The following CNOT9 variants were observed in gnomAD, a reference collection of about 807,000 sequenced individuals.
CNOT9 encodes the protein RCD1 required for cell differentiation1 homolog.
A neutral mutation model predicts 37.4 loss-of-function variants in CNOT9; 8 were observed. The observed-to-expected ratio is 0.21, with a 90% CI of 0.13 to 0.39. The LOEUF (loss-of-function observed/expected upper bound fraction) is 0.39, where lower values mean the gene tolerates loss of function less well. Among genes scored for constraint, CNOT9 ranks in the 10% least tolerant of loss-of-function variants. The probability of loss-of-function intolerance (pLI) is 1.00; values close to 1 mark genes in which losing one functional copy is unlikely to be tolerated. For missense variants in CNOT9, 154 were observed against 365.3 expected (o/e 0.42, Z 4.71); for synonymous variants, 120 against 137.6 (o/e 0.87, Z 0.90).
intron 2 of CNOT9, chr2:218,581,170 C>CTT (rs5838702): frequency 3.3e-3 from 813 of 244,886 alleles, no homozygotes; most frequent in Middle Eastern, 6.1e-3. Flanking sequence ...GTTTGTTTTT[C>CTT]TTTTTTTTTT....
chr2:218,570,183 A>G (rs1451603102), intron 1 of CNOT9, among the ~76,000 whole-genome samples: 1 of 152,214 alleles, frequency 6.6e-6, no homozygotes, highest in Admixed American at 6.5e-5. Flanking sequence ...AAAGGAGATC[A>G]TTTGATTTGA....
At chr2:218,593,923 A>G (rs1010076822) in intron 7 of CNOT9, 185 bp from the exon 8 acceptor site, 5 of 1,000,500 alleles carry the variant, frequency 5.0e-6, no homozygotes, top group African/African-American at 3.3e-5. Context: ...ATATTTGTGG[A>G]TACAGATTTT....
At chr2:218,583,416 G>C (rs968442661) in intron 3 of CNOT9, among the ~76,000 whole-genome samples, 3 of 152,140 alleles carry the variant, frequency 2.0e-5, no homozygotes, top group African/African-American at 4.8e-5. Flanking sequence ...TATGTCATCT[G>C]TGAGGCATAG....
At chr2:218,580,037 C>T (rs1295739918) in intron 1 of CNOT9, among the ~76,000 whole-genome samples, 4 of 148,358 alleles carry the variant, frequency 2.7e-5, no homozygotes, top group Admixed American at 6.8e-5. Context: ...GGCGCTATCT[C>T]GGGTCACTGC....
chr2:218,587,352 A>C (rs1359172984), intron 4 of CNOT9: 4 of 686,434 alleles, frequency 5.8e-6, no homozygotes, highest in Non-Finnish European at 7.5e-6. Flanking sequence ...TGAACTCCCG[A>C]CCTCAAGTGA....
chr2:218,570,893 A>G (rs1316888607), intron 1 of CNOT9, among the ~76,000 whole-genome samples: 1 of 152,246 alleles, frequency 6.6e-6, no homozygotes, highest in Non-Finnish European at 1.5e-5. Flanking sequence ...ACTTTCACTT[A>G]GGATGTTTGG....
chr2:218,577,459 CTT>C (rs1268435275), intron 1 of CNOT9, among the ~76,000 whole-genome samples: 1 of 152,224 alleles, frequency 6.6e-6, no homozygotes, highest in African/African-American at 2.4e-5. Flanking sequence ...TTCTAGCTCT[CTT>C]AGAATCAAAA....
At chr2:218,585,647 T>A (rs1336291104) in intron 4 of CNOT9, among the ~76,000 whole-genome samples, 13 of 146,454 alleles carry the variant, frequency 8.9e-5, no homozygotes, top group South Asian at 2.2e-4. Context: ...TATTTTTTTT[T>A]TTTTTTTTTG....
chr2:218,570,817 C>CCT (rs1693964524), intron 1 of CNOT9, among the ~76,000 whole-genome samples: 1 of 152,184 alleles, frequency 6.6e-6, no homozygotes, highest in Non-Finnish European at 1.5e-5. Context: ...ATAATAAGTA[C>CCT]TCAATACATG....
At chr2:218,579,614 G>A (rs574047330) in intron 1 of CNOT9, among the ~76,000 whole-genome samples, 36 of 152,182 alleles carry the variant, frequency 2.4e-4, no homozygotes, top group African/African-American at 8.4e-4. Context: ...AGCCTCCAGA[G>A]TAGCTGGGAC....
At chr2:218,569,186 C>G (rs983145537) in intron 1 of CNOT9, among the ~76,000 whole-genome samples, 4 of 152,196 alleles carry the variant, frequency 2.6e-5, no homozygotes, top group African/African-American at 9.6e-5. Flanking sequence ...GCCTTCAGCG[C>G]GACCCATCGC....
intron 2 of CNOT9, chr2:218,580,978 A>C (rs989270726): frequency 3.3e-6 from 2 of 597,916 alleles, no homozygotes; most frequent in African/African-American, 3.6e-5. Flanking sequence ...TTTAATAAGC[A>C]CTTTCACCTC....
intron 7 of CNOT9, 46 bp from the exon 8 acceptor site, chr2:218,594,062 G>A (rs971706413): frequency 3.1e-6 from 5 of 1,595,054 alleles, no homozygotes; most frequent in Non-Finnish European, 4.3e-6. Flanking sequence ...CAAAATGTGG[G>A]TTTATTTGTT....
chr2:218,580,992 C>G (rs1694352697), intron 2 of CNOT9: 1 of 574,546 alleles, frequency 1.7e-6, no homozygotes, highest in Non-Finnish European at 3.3e-6. Flanking sequence ...TCACCTCCCC[C>G]AGGTGATTGT....
intron 1 of CNOT9, among the ~76,000 whole-genome samples, chr2:218,578,488 G>C (rs1392395111): frequency 1.3e-5 from 2 of 152,160 alleles, no homozygotes; most frequent in Non-Finnish European, 2.9e-5. Flanking sequence ...TCATCATTCT[G>C]TCAAGCTAAG....
chr2:218,590,736 A>G (rs916801639), intron 5 of CNOT9, among the ~76,000 whole-genome samples: 13 of 152,200 alleles, frequency 8.5e-5, no homozygotes, highest in South Asian at 6.2e-4. Flanking sequence ...GGCATGTTCA[A>G]ATCTCTTTCT....
chr2:218,575,051 A>G (rs1168145521), intron 1 of CNOT9, among the ~76,000 whole-genome samples: 1 of 152,194 alleles, frequency 6.6e-6, no homozygotes. Context: ...CAATTATTTA[A>G]TATAGTTCCT....
At chr2:218,582,474 A>G (rs1231391587) in intron 2 of CNOT9, among the ~76,000 whole-genome samples, 2 of 152,228 alleles carry the variant, frequency 1.3e-5, no homozygotes, top group Non-Finnish European at 2.9e-5. Context: ...GCAGATCACG[A>G]GGTCAGCAGA....
At chr2:218,593,654 A>G in intron 7 of CNOT9, 1 of 1,328,732 alleles carries the variant, frequency 7.5e-7, no homozygotes, top group South Asian at 2.1e-5. Context: ...TTTTAACCAT[A>G]AAACTGAAGC....
Sources: allele counts gnomAD v4.1 joint callset (sites outside exome capture counted in the v4.1 genomes callset), GRCh38; gene constraint gnomAD v4.1.1; transcripts MANE v1.5; gene names NCBI Gene and HGNC (gene_info 2026-07-23, HGNC 2026-07-21).